The following MYO15A variants were observed in gnomAD, a reference collection of about 807,000 sequenced individuals.
MYO15A encodes the protein unconventional myosin-XV.
In MYO15A, 308 loss-of-function variants were observed where a neutral mutation model predicts 394.6. That is an observed-to-expected ratio of 0.78 (90% confidence interval 0.71 to 0.86). The LOEUF (loss-of-function observed/expected upper bound fraction) is 0.86. Among genes scored for constraint, MYO15A ranks in the 40% least tolerant of loss-of-function variants. MYO15A has a pLI of 0.00. For missense variants in MYO15A, 4,606 were observed against 4,799.1 expected, an observed-to-expected ratio of 0.96 and a Z score of 1.19; for synonymous variants, 1,957 against 2,003.8, an observed-to-expected ratio of 0.98 and a Z score of 0.62.
intron 1 of MYO15A, among the ~76,000 whole-genome samples, chr17:18,112,856 AT>A (rs35423784): frequency 0.11 from 1,583 of 14,394 alleles, 21 homozygotes; most frequent in Middle Eastern, 0.21. Context: ...TATTATTATT[AT>A]TTTTTTTTGA....
Position 18,131,551 on chromosome 17 carries a change from G to T in MYO15A, c.4206+20G>T, listed in dbSNP as rs928138793. On this transcript the variant is annotated intron_variant, in intron 10 of 65. Coordinates refer to ENST00000647165, the MANE Select transcript of MYO15A (RefSeq NM_016239.4). ...TTTCAGGTGGGCCACCCCCTCCCAG[G>T]CCTCTGTGTTGGGCAGGGTCGGGGT... is the stretch of plus-strand genomic sequence containing the variant. 6.2e-6 allele frequency: 10 copies of T among 1,613,570 alleles called. No individual in the cohort carries two copies. In the East Asian group the frequency reaches 6.7e-5, roughly 11 times the overall value.
chr17:18,170,023 A>C (rs1011826586), intron 62 of MYO15A, among the ~76,000 whole-genome samples: 2 of 150,656 alleles, frequency 1.3e-5, no homozygotes, highest in Non-Finnish European at 2.9e-5. Context: ...TTACATGTTC[A>C]AAGCTCTGTA....
chr17:18,144,800 CAAAA>C (rs35437143), intron 29 of MYO15A, among the ~76,000 whole-genome samples: 2 of 117,096 alleles, frequency 1.7e-5, no homozygotes, highest in Non-Finnish European at 1.8e-5. Context: ...ATCTTCCTGG[CAAAA>C]AAAAAAAAAA....
chr17:18,149,966 A>G (rs2046549958), intron 35 of MYO15A: 2 of 314,050 alleles, frequency 6.4e-6, no homozygotes, highest in East Asian at 7.3e-5. Flanking sequence ...AAAAAAAAAA[A>G]AAAAAGAAAG....
chr17:18,140,419 TC>T, intron 19 of MYO15A, 97 bp from the exon 20 acceptor site: 1 of 1,528,092 alleles, frequency 6.5e-7, no homozygotes. Context: ...AGTCTTCAGA[TC>T]CCCCTGGTCC....
At chr17:18,151,759 G>A in intron 40 of MYO15A, 87 bp from the exon 41 acceptor site, 1 of 1,305,600 alleles carries the variant, frequency 7.7e-7, no homozygotes, top group South Asian at 1.3e-5. Flanking sequence ...GGGGGTGGTG[G>A]AGGAGGAGGA....
chr17:18,149,296 A>C lies in MYO15A; in HGVS notation c.7037A>C (p.Asp2346Ala). 3 of 1,613,560 alleles carry C rather than the reference A, an allele frequency of 1.9e-6. No homozygotes were observed. The highest frequency in any genetic ancestry group is 2.5e-6 in the Non-Finnish European group (3 of 1,179,766). ...CAGGAGCACATGCCCAAAGTACTTG[A>C]CTCTGATGGGTACAGCAGCCACAAT... ...QPQEHMPKVL[D>A]SDGYSSHNQD... Residue 2346 changes from aspartate to alanine, a missense_variant, in exon 34 of 66, where the codon GAC becomes GCC. Physicochemically the swap from Asp to Ala is moderately radical, Grantham distance 126. Around this residue, in one of 2 missense-constraint regions of MYO15A, gnomAD observed 2,776 missense variants for 3,109.3 expected, o/e 0.89. Coordinates refer to ENST00000647165, the MANE Select transcript of MYO15A (RefSeq NM_016239.4).
chr17:18,113,933 T>G (rs1388459198), intron 1 of MYO15A, among the ~76,000 whole-genome samples: 1 of 152,016 alleles, frequency 6.6e-6, no homozygotes, highest in Non-Finnish European at 1.5e-5. Context: ...GATCGCTCCC[T>G]ATCAGGACAC....
chr17:18,150,458 C>T lies in MYO15A; in HGVS notation c.7242C>T (p.Tyr2414=), dbSNP rs772763781. 6.2e-7 allele frequency: 1 copy of T among 1,614,144 alleles called. No homozygotes were observed. The change falls in exon 36 of 66, where the codon TAC becomes TAT. Residue 2414 remains tyrosine, a synonymous_variant. Transcript: ENST00000647165. The surrounding 1 kb of genome is among the most constrained non-coding windows in gnomAD (Gnocchi z 4.4). ...TGGAGAAGCCAACAGCCATTGCCTA[C>T]CGCATGAAAGGGGGAGGCCAGCCCG... ...ADLEKPTAIA[Y]RMKGGGQPGG...
chr17:18,126,452 C>G lies in MYO15A; in HGVS notation c.3862C>G (p.Pro1288Ala), dbSNP rs768074874. The G allele has an allele frequency of 7.4e-6, 12 of 1,613,600 alleles. No homozygotes were observed. The South Asian group carries it at 7.7e-5, about 10-fold the overall frequency. Reference protein sequence around the residue: ...QYNGRALGENPPHLFAVANLA... With the variant: ...QYNGRALGENAPHLFAVANLA... ...CAACGGACGGGCCCTGGGAGAGAAT[C>G]CCCCGTGAGTGTCTCGGGGGCGCTG... Residue 1288 changes from proline to alanine, a missense_variant, in exon 5 of 66, where the codon CCC (proline) becomes GCC (alanine). Pro to Ala is a conservative substitution (Grantham distance 27). This residue lies in a region of MYO15A where 2,776 missense variants were observed against 3,109.3 expected (regional missense o/e 0.89). Coordinates refer to ENST00000647165, the MANE Select transcript of MYO15A (RefSeq NM_016239.4).
intron 62 of MYO15A, among the ~76,000 whole-genome samples, chr17:18,168,078 G>A (rs181623736): frequency 2.6e-5 from 4 of 152,338 alleles, no homozygotes; most frequent in Admixed American, 2.0e-4. Context: ...TGCTACAAGA[G>A]CAAAAGATCA....
chr17:18,151,725 C>A, intron 40 of MYO15A, 121 bp from the exon 41 acceptor site: 1 of 1,190,760 alleles, frequency 8.4e-7, no homozygotes, highest in Non-Finnish European at 1.2e-6. Context: ...TCTGCTTCTC[C>A]CTGGATTCTC....
intron 7 of MYO15A, 27 bp from the exon 8 acceptor site, chr17:18,130,778 T>C (rs780175059): frequency 6.2e-7 from 1 of 1,612,214 alleles, no homozygotes; most frequent in Non-Finnish European, 8.5e-7. Flanking sequence ...TCTGTCTCTT[T>C]GTCCTCCCTC....
At chr17:18,154,832 G>A in intron 45 of MYO15A, 77 bp downstream of exon 45, 3 of 1,502,914 alleles carry the variant, frequency 2.0e-6, no homozygotes, top group Non-Finnish European at 2.8e-6. Context: ...GAGGGAGACT[G>A]AGGCTGACAA....
chr17:18,122,602 A>C, intron 2 of MYO15A, 193 bp downstream of exon 2: 1 of 803,446 alleles, frequency 1.2e-6, no homozygotes, highest in South Asian at 1.9e-5. Context: ...GGGGATGCCC[A>C]GCACAGGCAG....
intron 7 of MYO15A, among the ~76,000 whole-genome samples, chr17:18,127,508 C>T (rs1180810629): frequency 2.6e-5 from 4 of 152,174 alleles, no homozygotes; most frequent in African/African-American, 9.7e-5. Flanking sequence ...GCCCTGGGGC[C>T]ACCATATTCT....
At chr17:18,169,986 A>C (rs1486861913) in intron 62 of MYO15A, among the ~76,000 whole-genome samples, 2 of 141,806 alleles carry the variant, frequency 1.4e-5, no homozygotes, top group Admixed American at 7.4e-5. Context: ...AAAAAAAAAA[A>C]AAAAAAAAAA....
intron 16 of MYO15A, 98 bp downstream of exon 16, chr17:18,137,777 T>G: frequency 7.6e-7 from 1 of 1,320,216 alleles, no homozygotes; most frequent in Non-Finnish European, 1.1e-6. Flanking sequence ...AGGGCAATTC[T>G]GACATCAGTA....
At position 18,179,279 on chromosome 17, in the gene MYO15A, A is replaced by G; in HGVS notation, c.*409A>G. On this transcript the variant is annotated 3_prime_UTR_variant, in exon 66 of 66. Coordinates refer to ENST00000647165, the MANE Select transcript of MYO15A (RefSeq NM_016239.4). The stretch of plus-strand genomic sequence containing the variant: ...GGGTCTGATGTTGGAATCTGCTCCA[A>G]CTCCACACCCTAGCCCTTACATGTC... 1 of 313,570 alleles carries G rather than the reference A, an allele frequency of 3.2e-6. No individual in the cohort carries two copies. The highest frequency in any genetic ancestry group is 4.4e-5 in the Admixed American group (1 of 22,984). 19.4% of individuals were successfully genotyped at this position (313,570 alleles called of 1,614,324 possible).
Sources: gnomAD v4.1 joint callset for allele counts (sites outside exome capture counted in the v4.1 genomes callset) on GRCh38, gnomAD v4.1.1 for gene constraint, gnomAD v4.1.1 regional missense constraint, Gnocchi (gnomAD v3.1) non-coding constraint, MANE v1.5 for transcripts, NCBI Gene and HGNC (gene_info 2026-07-23, HGNC 2026-07-21) for gene names.